SYNDIG1: variants seen among roughly 807,000 people sequenced by gnomAD.
SYNDIG1 encodes synapse differentiation inducing 1.
In SYNDIG1, 9 loss-of-function variants were observed where a neutral mutation model predicts 19.4. That is an observed-to-expected ratio of 0.46 (90% CI 0.28 to 0.81). SYNDIG1 has a LOEUF of 0.81. Among genes scored for constraint, SYNDIG1 ranks in the 30% least tolerant of loss-of-function variants. The pLI, the probability that SYNDIG1 is intolerant of heterozygous loss-of-function variation, is 0.12. For synonymous variants in SYNDIG1, 141 were observed against 145.9 expected, an observed-to-expected ratio of 0.97 and a Z score of 0.24; for missense variants, 311 against 343.3, an observed-to-expected ratio of 0.91 and a Z score of 0.74.
intron 3 of SYNDIG1, among the ~76,000 whole-genome samples, chr20:24,662,640 T>G (rs1311620136): frequency 6.6e-6 from 1 of 152,242 alleles, no homozygotes; most frequent in African/African-American, 2.4e-5. Flanking sequence ...TGGGTCCTGC[T>G]GAGCCCCTAC....
intron 2 of SYNDIG1, among the ~76,000 whole-genome samples, chr20:24,549,638 C>A (rs1472579201): frequency 1.3e-5 from 2 of 152,220 alleles, no homozygotes; most frequent in Non-Finnish European, 2.9e-5. Flanking sequence ...TTCAGCTTTG[C>A]TGTCCACAGA....
intron 3 of SYNDIG1, among the ~76,000 whole-genome samples, chr20:24,625,384 A>ATTTTTTTTTT (rs35759862): frequency 8.7e-6 from 1 of 115,278 alleles, no homozygotes; most frequent in Non-Finnish European, 1.7e-5. Context: ...TGCCTGGGAC[A>ATTTTTTTTTT]TTTTTTTTTT....
At chr20:24,609,619 G>T (rs755262945) in intron 3 of SYNDIG1, among the ~76,000 whole-genome samples, 9 of 152,208 alleles carry the variant, frequency 5.9e-5, no homozygotes, top group Non-Finnish European at 1.0e-4. Flanking sequence ...AGATTGCTCA[G>T]GGGATTTGGA....
chr20:24,525,074 A>G (rs1254299945), intron 1 of SYNDIG1, among the ~76,000 whole-genome samples: 2 of 152,108 alleles, frequency 1.3e-5, no homozygotes, highest in Admixed American at 6.6e-5. Context: ...CTAGGTTTCA[A>G]TAATTTAGTT....
chr20:24,549,920 G>A (rs1277649906), intron 2 of SYNDIG1, among the ~76,000 whole-genome samples: 1 of 152,194 alleles, frequency 6.6e-6, no homozygotes, highest in Non-Finnish European at 1.5e-5. Flanking sequence ...ACTCCTCTCG[G>A]CATTCAGATG....
intron 3 of SYNDIG1, among the ~76,000 whole-genome samples, chr20:24,587,422 C>T (rs2058435099): frequency 6.6e-6 from 1 of 152,176 alleles, no homozygotes; most frequent in East Asian, 1.9e-4. Context: ...GTGGTGGTTC[C>T]GGGAGCTGCT....
intron 3 of SYNDIG1, among the ~76,000 whole-genome samples, chr20:24,613,553 T>C (rs563833595): frequency 6.6e-6 from 1 of 152,168 alleles, no homozygotes; most frequent in Admixed American, 6.5e-5. Flanking sequence ...TGTCCCCCAT[T>C]GCGGGTCCCA....
At chr20:24,526,257 A>G (rs979645286) in intron 1 of SYNDIG1, among the ~76,000 whole-genome samples, 1 of 152,012 alleles carries the variant, frequency 6.6e-6, no homozygotes, top group Non-Finnish European at 1.5e-5. Context: ...CTAGTTTTCT[A>G]TTTAGAATTT....
chr20:24,632,924 G>A (rs1184960580), intron 3 of SYNDIG1, among the ~76,000 whole-genome samples: 2 of 151,964 alleles, frequency 1.3e-5, no homozygotes, highest in Non-Finnish European at 2.9e-5. Context: ...GGCTCTGGAG[G>A]GTACTGCCAT....
intron 3 of SYNDIG1, among the ~76,000 whole-genome samples, chr20:24,648,166 G>A (rs1429376406): frequency 6.6e-6 from 1 of 152,102 alleles, no homozygotes; most frequent in Non-Finnish European, 1.5e-5. Context: ...TTGGGGGGTG[G>A]GGTGGTACAC....
intron 1 of SYNDIG1, among the ~76,000 whole-genome samples, chr20:24,539,209 TAAGA>T (rs960726891): frequency 1.3e-5 from 2 of 152,242 alleles, no homozygotes; most frequent in Non-Finnish European, 2.9e-5. Flanking sequence ...TGTTTTCTTC[TAAGA>T]GTTTTATGGT....
At chr20:24,514,582 A>C (rs2056821575) in intron 1 of SYNDIG1, among the ~76,000 whole-genome samples, 1 of 152,260 alleles carries the variant, frequency 6.6e-6, no homozygotes, top group Admixed American at 6.5e-5. Context: ...TAACTATCTT[A>C]AATATATATG....
intron 3 of SYNDIG1, among the ~76,000 whole-genome samples, chr20:24,664,827 A>G (rs1044047044): frequency 6.6e-6 from 1 of 152,128 alleles, no homozygotes; most frequent in South Asian, 2.1e-4. Flanking sequence ...AGTGGTTTTC[A>G]TGATCTTATG....
chr20:24,573,275 C>T (rs2058174197), intron 2 of SYNDIG1, among the ~76,000 whole-genome samples: 2 of 152,146 alleles, frequency 1.3e-5, no homozygotes. Context: ...AGGCTGCATC[C>T]CTATTTATGT....
chr20:24,659,237 C>T (rs1279452385), intron 3 of SYNDIG1, among the ~76,000 whole-genome samples: 1 of 152,210 alleles, frequency 6.6e-6, no homozygotes, highest in Non-Finnish European at 1.5e-5. Context: ...TTTCTATCTT[C>T]CTTAATAGCT....
At chr20:24,554,538 C>G (rs2057771945) in intron 2 of SYNDIG1, among the ~76,000 whole-genome samples, 1 of 152,118 alleles carries the variant, frequency 6.6e-6, no homozygotes, top group African/African-American at 2.4e-5. Flanking sequence ...TGTCAAAGGC[C>G]TTTTCTGCAT....
chr20:24,634,356 A>G lies in SYNDIG1; in HGVS notation c.619-30990A>G, dbSNP rs6132754. ...TAATGTTTTCCCTAAAAATGGACAT[A>G]TCAATTGTTTTCAACTTCTCCTTTT... On this transcript the variant is annotated intron_variant, in intron 3 of 3. Coordinates refer to ENST00000376862, the MANE Select transcript of SYNDIG1 (RefSeq NM_024893.3). 6.0e-3 allele frequency among the ~76,000 whole-genome samples: 912 copies of G among 152,352 alleles called. 27 individuals are homozygous for G. The East Asian group carries it at 0.095, about 16-fold the overall frequency.
At position 24,490,173 on chromosome 20, in the gene SYNDIG1, C is replaced by T. The variant is rs148579712; in HGVS notation, c.-79+20420C>T. On this transcript the variant is annotated intron_variant, in intron 1 of 3. Transcript: ENST00000376862. ...GGGCAGAAGGCCCAGCGGAGTGCCT[C>T]TGCGGGTCTGGTTTGTCATGGAGGG... Among the ~76,000 whole-genome samples, 1,146 of 152,334 alleles carry T rather than the reference C, an allele frequency of 7.5e-3. 13 individuals are homozygous for T. The highest frequency in any genetic ancestry group is 0.024 in the African/African-American group (998 of 41,584).
At chr20:24,619,252 C>T (rs1568690162) in intron 3 of SYNDIG1, among the ~76,000 whole-genome samples, 4 of 152,202 alleles carry the variant, frequency 2.6e-5, no homozygotes, top group South Asian at 4.1e-4. Context: ...ATCCTTTAAT[C>T]GGGTGCATAA....
Sources: allele counts gnomAD v4.1 joint callset (sites outside exome capture counted in the v4.1 genomes callset), GRCh38; gene constraint gnomAD v4.1.1; transcripts MANE v1.5; gene names NCBI Gene and HGNC (gene_info 2026-07-23, HGNC 2026-07-21).